PALD1: variants seen among roughly 807,000 people sequenced by gnomAD.
The protein encoded by PALD1 is phosphatase domain containing paladin 1, also known as paladin.
A neutral mutation model predicts 96.0 loss-of-function variants in PALD1; 57 were observed. The observed-to-expected ratio is 0.59, with a 90% CI of 0.48 to 0.74. PALD1 has a LOEUF of 0.74. Among genes scored for constraint, PALD1 ranks in the 30% least tolerant of loss-of-function variants. PALD1 has a pLI of 0.00. For synonymous variants in PALD1, 464 were observed against 473.6 expected, an observed-to-expected ratio of 0.98 and a Z score of 0.26; for missense variants, 1,063 against 1,143.7, an observed-to-expected ratio of 0.93 and a Z score of 1.02.
upstream of PALD1, among the ~76,000 whole-genome samples, chr10:70,478,467 G>T (rs528935572): frequency 1.3e-5 from 2 of 152,338 alleles, no homozygotes; most frequent in South Asian, 4.1e-4. Flanking sequence ...TCGCAGCCAG[G>T]AGGCTGGATG....
In PALD1 at chr10:70,531,372, A is replaced by G; in HGVS notation, c.551A>G (p.Asp184Gly). 1 of 1,613,934 alleles carries G rather than the reference A, an allele frequency of 6.2e-7. No homozygotes were observed. Among genetic ancestry groups the G allele is most frequent in the Non-Finnish European group, 8.5e-7 (1 of 1,179,946 alleles). Residue 184 changes from aspartate to glycine, a missense_variant, in exon 5 of 20, where the codon GAC becomes GGC. Transcript: ENST00000263563. ...DEDFVSYTPR[D>G]KQNLHENLQG... ...GACTTTGTGTCCTACACACCTCGAGACAAGCAGAACCTTCATGAGAACCTC... is the reference window on the plus strand; with the variant it reads ...GACTTTGTGTCCTACACACCTCGAGGCAAGCAGAACCTTCATGAGAACCTC...
chr10:70,484,453 A>G (rs552988293), intron 1 of PALD1, among the ~76,000 whole-genome samples: 1 of 152,358 alleles, frequency 6.6e-6, no homozygotes, highest in South Asian at 2.1e-4. Context: ...CAAAATTAAG[A>G]TAGCAAACAA....
chr10:70,538,036 AC>A, intron 11 of PALD1, 130 bp downstream of exon 11: 1 of 782,794 alleles, frequency 1.3e-6, no homozygotes, highest in Non-Finnish European at 2.1e-6. Context: ...GCCAGGAGAG[AC>A]CCAGATTCGG....
Position 70,539,039 on chromosome 10 carries a change from G to T in PALD1, c.1569+31G>T. On this transcript the variant is annotated intron_variant, in intron 13 of 19. Transcript: ENST00000263563. This position sits in a 1 kb window ranked among gnomAD's most constrained non-coding sequence, Gnocchi z 4.5. The stretch of plus-strand genomic sequence containing the variant: ...CGGCCCTCAGGGCCTGGGTCCCCCA[G>T]TGGGTTTGGGGAGGGAGGGCTGAGC... The T allele has an allele frequency of 6.2e-7, 1 of 1,613,424 alleles. No homozygotes were observed. The highest frequency in any genetic ancestry group is 8.5e-7 in the Non-Finnish European group (1 of 1,179,640).
intron 9 of PALD1, 41 bp from the exon 10 acceptor site, chr10:70,534,698 C>A: frequency 7.7e-7 from 1 of 1,292,402 alleles, no homozygotes; most frequent in Non-Finnish European, 1.1e-6. Flanking sequence ...TGCTCCCCAC[C>A]CCCCCACCTC....
rs868048298 is a variant in PALD1, at chr10:70,534,426, G to A, written c.1024G>A (p.Ala342Thr). 1 of 1,606,074 alleles carries A rather than the reference G, an allele frequency of 6.2e-7. No individual in the cohort carries two copies. The highest frequency in any genetic ancestry group is 1.3e-5 in the African/African-American group (1 of 74,916). The part of the protein sequence containing the change: ...HRSGTTSQPE[A>T]APTQAKPLPM... ...AATGTACTGACCCTGCCTCGACAGG[G>A]CTGCCCCCACGCAGGCCAAGCCCCT... Residue 342 changes from alanine to threonine, a missense_variant and splice_region_variant, in exon 9 of 20, where the codon GCT becomes ACT. Coordinates refer to ENST00000263563, the MANE Select transcript of PALD1 (RefSeq NM_014431.3).
chr10:70,540,035 G>A lies in PALD1; in HGVS notation c.1908+273G>A, dbSNP rs1316675480. ...TTGGAGTGTGTATTCTGTTACGTATGTGCATATGTGTTATAAGATGTGTGT... is the reference window on the plus strand; with the variant it reads ...TTGGAGTGTGTATTCTGTTACGTATATGCATATGTGTTATAAGATGTGTGT... On this transcript the variant is annotated intron_variant, in intron 15 of 19. Transcript: ENST00000263563. This position sits in a 1 kb window ranked among gnomAD's most constrained non-coding sequence, Gnocchi z 4.2. Among the ~76,000 whole-genome samples the A allele has an allele frequency of 6.6e-6, 1 of 152,072 alleles. No homozygotes were observed. The highest frequency in any genetic ancestry group is 1.5e-5 in the Non-Finnish European group (1 of 68,010).
chr10:70,505,745 G>A (rs527479291), intron 1 of PALD1, among the ~76,000 whole-genome samples: 123 of 152,284 alleles, frequency 8.1e-4, no homozygotes, highest in African/African-American at 2.9e-3. Context: ...TCCCGGCCAG[G>A]TGCAGTGGCT....
At chr10:70,512,096 A>G (rs1047133961) in intron 1 of PALD1, among the ~76,000 whole-genome samples, 1 of 152,166 alleles carries the variant, frequency 6.6e-6, no homozygotes, top group African/African-American at 2.4e-5. Context: ...ACACCTCTTA[A>G]AGGCCTCTTA....
At chr10:70,486,580 G>T (rs1196154147) in intron 1 of PALD1, among the ~76,000 whole-genome samples, 1 of 152,092 alleles carries the variant, frequency 6.6e-6, no homozygotes, top group East Asian at 1.9e-4. Flanking sequence ...GGCCAACATG[G>T]TGAAACCCCA....
the PALD1 span, among the ~76,000 whole-genome samples, chr10:70,458,514 C>T: frequency 6.6e-6 from 1 of 152,208 alleles, no homozygotes; most frequent in African/African-American, 2.4e-5. Flanking sequence ...CCGGGTGAGT[C>T]AGCCGAAGAG....
At chr10:70,490,517 A>G (rs971447814) in intron 1 of PALD1, among the ~76,000 whole-genome samples, 3 of 152,244 alleles carry the variant, frequency 2.0e-5, no homozygotes, top group African/African-American at 7.2e-5. Flanking sequence ...TTACTGTAAT[A>G]TAACTGAAAT....
intron 1 of PALD1, among the ~76,000 whole-genome samples, chr10:70,509,711 C>T (rs1024113182): frequency 6.6e-6 from 1 of 152,152 alleles, no homozygotes; most frequent in South Asian, 2.1e-4. Context: ...CAGGGAAGGG[C>T]CTTAGGTCCT....
the PALD1 span, among the ~76,000 whole-genome samples, chr10:70,467,576 T>C: frequency 6.7e-4 from 102 of 152,234 alleles, no homozygotes; most frequent in African/African-American, 2.3e-3. Flanking sequence ...TCCCCGTCAC[T>C]GGGAGGATTC....
chr10:70,463,228 AC>A, the PALD1 span, among the ~76,000 whole-genome samples: 30 of 151,868 alleles, frequency 2.0e-4, no homozygotes, highest in African/African-American at 7.3e-4. Flanking sequence ...CACGGTGAAA[AC>A]CCATCTCTAC....
At position 70,566,601 on chromosome 10, in the gene PALD1, C is replaced by A. The variant is rs1293766509; in HGVS notation, c.2439C>A (p.Ile813=). 1 of 1,610,914 alleles carries A rather than the reference C, an allele frequency of 6.2e-7. No homozygotes were observed. Among genetic ancestry groups the A allele is most frequent in the Admixed American group, 1.7e-5 (1 of 59,758 alleles). ...WMQEVASKAG[I]YEILNELGFP... ...CCCAGGTGGCATCGAAGGCTGGCAT[C>A]TACGAGATCCTTAACGAGCTGGGCT... Residue 813 remains isoleucine (I), a synonymous_variant, in exon 20 of 20, where the codon ATC becomes ATA. Transcript: ENST00000263563.
At chr10:70,470,824 G>A in the PALD1 span, among the ~76,000 whole-genome samples, 5 of 150,828 alleles carry the variant, frequency 3.3e-5, no homozygotes, top group Middle Eastern at 3.4e-3. Flanking sequence ...TTTTTGAGGT[G>A]GAGTTTCACT....
At chr10:70,516,588 C>T (rs1431135584) in intron 1 of PALD1, among the ~76,000 whole-genome samples, 1 of 152,150 alleles carries the variant, frequency 6.6e-6, no homozygotes, top group Admixed American at 6.5e-5. Flanking sequence ...CAGAGTCTCA[C>T]TCTTGTCCAG....
chr10:70,459,512 T>TG, the PALD1 span, among the ~76,000 whole-genome samples: 34 of 135,264 alleles, frequency 2.5e-4, no homozygotes, highest in African/African-American at 8.2e-4. Context: ...TGGGTGGGGA[T>TG]GGGGGGGTTG....
Sources: gnomAD v4.1 joint callset for allele counts (sites outside exome capture counted in the v4.1 genomes callset) on GRCh38, gnomAD v4.1.1 for gene constraint, Gnocchi (gnomAD v3.1) non-coding constraint, MANE v1.5 for transcripts, NCBI Gene and HGNC (gene_info 2026-07-23, HGNC 2026-07-21) for gene names.